Variants in ERC2 observed in about 807,000 individuals in gnomAD.
ERC2 encodes the protein ERC protein 2.
A neutral mutation model predicts 114.8 loss-of-function variants in ERC2; 42 were observed. The ratio of observed to expected loss-of-function variants is 0.37; its 90% CI spans 0.29 to 0.47. The LOEUF is 0.47. Ranked by LOEUF, ERC2 falls within the 20% of genes least tolerant of loss-of-function variation. The probability of loss-of-function intolerance (pLI) is 0.99; values close to 1 mark genes in which losing one functional copy is unlikely to be tolerated. For missense variants in ERC2, 939 were observed against 1,150.7 expected, an observed-to-expected ratio of 0.82 and a Z score of 2.66; for synonymous variants, 454 against 425.5, an observed-to-expected ratio of 1.07 and a Z score of -0.82.
chr3:55,833,143 T>C (rs1322589132), intron 14 of ERC2, among the ~76,000 whole-genome samples: 12 of 149,878 alleles, frequency 8.0e-5, no homozygotes. Flanking sequence ...TTGGTGTACC[T>C]GAAAGTGACG....
intron 14 of ERC2, among the ~76,000 whole-genome samples, chr3:55,761,062 A>G (rs1386933445): frequency 6.6e-6 from 1 of 152,234 alleles, no homozygotes; most frequent in Non-Finnish European, 1.5e-5. Flanking sequence ...CTGTGTCAAC[A>G]TTAAGACAGA....
chr3:56,068,249 T>C (rs936613736), intron 7 of ERC2, among the ~76,000 whole-genome samples: 1 of 152,214 alleles, frequency 6.6e-6, no homozygotes, highest in East Asian at 1.9e-4. Flanking sequence ...ATTTGACTTC[T>C]TCCTGGTTTA....
chr3:56,305,718 C>A (rs189123174), intron 2 of ERC2, among the ~76,000 whole-genome samples: 3 of 152,394 alleles, frequency 2.0e-5, no homozygotes, highest in African/African-American at 7.2e-5. Flanking sequence ...CCCTTAGGTA[C>A]CTGAATTTGC....
At chr3:56,285,417 A>G (rs998589852) in intron 3 of ERC2, among the ~76,000 whole-genome samples, 2 of 151,988 alleles carry the variant, frequency 1.3e-5, no homozygotes, top group Non-Finnish European at 2.9e-5. Context: ...GACATCCTGC[A>G]ATGCACAGGA....
At chr3:55,787,746 TC>T (rs1326616290) in intron 14 of ERC2, among the ~76,000 whole-genome samples, 13 of 152,110 alleles carry the variant, frequency 8.5e-5, no homozygotes, top group Non-Finnish European at 1.6e-4. Context: ...AATTTACCAC[TC>T]CATATCTGAT....
chr3:55,575,601 A>G (rs538736758), intron 17 of ERC2, among the ~76,000 whole-genome samples: 1 of 152,296 alleles, frequency 6.6e-6, no homozygotes, highest in African/African-American at 2.4e-5. Flanking sequence ...GAAGCCCATC[A>G]TTATTATGGA....
chr3:56,279,476 G>A (rs1576240214), intron 3 of ERC2, among the ~76,000 whole-genome samples: 1 of 152,218 alleles, frequency 6.6e-6, no homozygotes, highest in African/African-American at 2.4e-5. Flanking sequence ...AGTGAGGATG[G>A]AGGAGGAAGG....
At chr3:56,189,107 C>T (rs746845721) in intron 3 of ERC2, among the ~76,000 whole-genome samples, 38 of 152,168 alleles carry the variant, frequency 2.5e-4, no homozygotes, top group Non-Finnish European at 5.0e-4. Context: ...TAAGACCAGA[C>T]CACTGGAAAG....
At chr3:55,674,951 G>A (rs749583274) in intron 17 of ERC2, among the ~76,000 whole-genome samples, 2 of 152,142 alleles carry the variant, frequency 1.3e-5, no homozygotes, top group African/African-American at 2.4e-5. Context: ...AAATGGCAAG[G>A]AGTCTCCTTA....
At chr3:56,215,766 A>C (rs1176427609) in intron 3 of ERC2, among the ~76,000 whole-genome samples, 3 of 152,250 alleles carry the variant, frequency 2.0e-5, no homozygotes, top group Non-Finnish European at 4.4e-5. Context: ...CAGCAAGTGT[A>C]AAAGAAAAGA....
chr3:56,018,776 G>A, intron 8 of ERC2, 118 bp downstream of exon 8: 1 of 1,136,100 alleles, frequency 8.8e-7, no homozygotes, highest in Non-Finnish European at 1.3e-6. Flanking sequence ...GACCAGCTGG[G>A]ACTAAAGGTA....
At chr3:55,785,213 C>A (rs1050333905) in intron 14 of ERC2, among the ~76,000 whole-genome samples, 3 of 152,196 alleles carry the variant, frequency 2.0e-5, no homozygotes, top group Admixed American at 1.3e-4. Flanking sequence ...AAAATAGGTC[C>A]AGATCAGAAG....
rs2056670213 is a variant in ERC2, at chr3:56,313,001, C to CATATACAT, written c.658-16567_658-16566insATGTATAT. ...TTAATATTTAGTGAATATGTATATT[C>CATATACAT]ATATATATATATATATATATATATA... On this transcript the variant is annotated intron_variant, in intron 2 of 17. Transcript: ENST00000288221. Among the ~76,000 whole-genome samples, 2 of 43,882 alleles carry CATATACAT rather than the reference C, an allele frequency of 4.6e-5. 1 individual carries two copies. The highest frequency in any genetic ancestry group is 2.7e-3 in the South Asian group (2 of 742). The allele number at this position is 43,882 out of a possible 152,430, so 28.8% of individuals were successfully genotyped here. A position where few individuals can be genotyped will look rare whatever the true frequency, so the allele number is the denominator to read the frequency against.
At chr3:56,041,827 G>A (rs140796611) in intron 7 of ERC2, among the ~76,000 whole-genome samples, 232 of 152,166 alleles carry the variant, frequency 1.5e-3, no homozygotes, top group African/African-American at 4.8e-3. Flanking sequence ...ATTGCCTGTC[G>A]TACTATTTTC....
At chr3:56,321,853 GC>G (rs1291747717) in intron 2 of ERC2, among the ~76,000 whole-genome samples, 5 of 152,106 alleles carry the variant, frequency 3.3e-5, no homozygotes, top group African/African-American at 1.2e-4. Context: ...AGAAATAAAT[GC>G]AAATATAACA....
intron 17 of ERC2, among the ~76,000 whole-genome samples, chr3:55,521,494 G>A (rs893571660): frequency 3.3e-5 from 5 of 152,236 alleles, no homozygotes; most frequent in Non-Finnish European, 7.3e-5. Context: ...GAGAAGAAGA[G>A]AGAGAGAAAG....
At chr3:55,577,781 T>G (rs1269631151) in intron 17 of ERC2, among the ~76,000 whole-genome samples, 2 of 152,138 alleles carry the variant, frequency 1.3e-5, no homozygotes, top group Non-Finnish European at 2.9e-5. Context: ...CCTAGAGGGC[T>G]TCATGTAACC....
chr3:55,982,950 T>C (rs1267199234), intron 12 of ERC2, among the ~76,000 whole-genome samples: 1 of 152,242 alleles, frequency 6.6e-6, no homozygotes, highest in East Asian at 1.9e-4. Context: ...GAAGTGACTC[T>C]ATAATAACGA....
At chr3:56,039,677 C>T (rs1412593332) in intron 7 of ERC2, among the ~76,000 whole-genome samples, 2 of 152,008 alleles carry the variant, frequency 1.3e-5, no homozygotes. Flanking sequence ...AAAAAAGACC[C>T]TGAATAGCTA....
Sources: gnomAD v4.1 joint callset for allele counts (sites outside exome capture counted in the v4.1 genomes callset) on GRCh38, gnomAD v4.1.1 for gene constraint, MANE v1.5 for transcripts, NCBI Gene and HGNC (gene_info 2026-07-23, HGNC 2026-07-21) for gene names.